AGFG1: variants seen among roughly 807,000 people sequenced by gnomAD.
The protein encoded by AGFG1 is arf-GAP domain and FG repeat-containing protein 1.
AGFG1 carries 10 observed loss-of-function variants against 60.6 expected under a neutral mutation model. The observed-to-expected ratio is 0.16, with a 90% CI of 0.10 to 0.28. The LOEUF is 0.28. Among genes scored for constraint, AGFG1 ranks in the 10% least tolerant of loss-of-function variants. The pLI, the probability that AGFG1 is intolerant of heterozygous loss-of-function variation, is 1.00. For missense variants in AGFG1, 537 were observed against 676.5 expected, an observed-to-expected ratio of 0.79 and a Z score of 2.29; for synonymous variants, 247 against 242.9, an observed-to-expected ratio of 1.02 and a Z score of -0.16.
At position 227,533,738 on chromosome 2, in the gene AGFG1, A is replaced by G. The variant is rs201506988; in HGVS notation, c.1004A>G (p.Asn335Ser). The G allele has an allele frequency of 5.8e-5, 93 of 1,613,626 alleles. No individual in the cohort carries two copies. The highest frequency in any genetic ancestry group is 3.8e-4 in the East Asian group (17 of 44,850). Residue 335 changes from asparagine to serine, a missense_variant, in exon 7 of 13, where the codon AAT (asparagine) becomes AGT (serine). Transcript: ENST00000310078. Reference protein sequence around the residue: ...DKYAALANLDNIFSAGQGGDQ... With the variant: ...DKYAALANLDSIFSAGQGGDQ... ...TATGCAGCACTTGCTAATTTAGACA[A>G]TATCTTCAGTGCCGGGCAAGGTATC...
intron 1 of AGFG1, among the ~76,000 whole-genome samples, chr2:227,472,877 C>T: frequency 6.6e-6 from 1 of 150,544 alleles, no homozygotes; most frequent in East Asian, 2.0e-4. Context: ...AGGGAGGGGG[C>T]GACCGGGGCG....
At chr2:227,532,831 A>G (rs1462150650) in intron 6 of AGFG1, among the ~76,000 whole-genome samples, 1 of 152,154 alleles carries the variant, frequency 6.6e-6, no homozygotes, top group Non-Finnish European at 1.5e-5. Flanking sequence ...TCTATAATAG[A>G]GAACAGATTT....
chr2:227,534,776 C>A, intron 7 of AGFG1, 69 bp from the exon 8 acceptor site: 1 of 1,539,450 alleles, frequency 6.5e-7, no homozygotes, highest in South Asian at 1.2e-5. Context: ...TGTTTCATGG[C>A]AAATGTGGTT....
chr2:227,557,474 A>C lies in AGFG1; in HGVS notation c.*2979A>C, dbSNP rs957483598. ...TGGCTGCTGGTTTACCACTGTACCA[A>C]CATCTCTGGAGCATTTTAGTTTCAG... On this transcript the variant is annotated 3_prime_UTR_variant, in exon 13 of 13. Transcript: ENST00000310078. The C allele has an allele frequency of 5.9e-5, 9 of 152,148 alleles. No homozygotes were observed. Among genetic ancestry groups the C allele is most frequent in the Admixed American group, 3.3e-4 (5 of 15,266 alleles). 9.4% of individuals were successfully genotyped at this position (152,148 alleles called of 1,614,324 possible). A position where few individuals can be genotyped will look rare whatever the true frequency, so the allele number is the denominator to read the frequency against.
In AGFG1 at chr2:227,505,708, T is replaced by C. The variant is rs56202275; in HGVS notation, c.261+14068T>C. Among the ~76,000 whole-genome samples, 862 of 152,196 alleles carry C rather than the reference T, an allele frequency of 5.7e-3. 9 individuals carry two copies. The highest frequency in any genetic ancestry group is 0.019 in the African/African-American group (807 of 41,544). On this transcript the variant is annotated intron_variant, in intron 2 of 12. Transcript: ENST00000310078. ...TATTTATTGCAAGGATGTTTTCTTATATGATATGGTCTTTTTATTTTGTTT... is the reference window on the plus strand; with the variant it reads ...TATTTATTGCAAGGATGTTTTCTTACATGATATGGTCTTTTTATTTTGTTT...
chr2:227,505,328 TTGA>T (rs1691279212), intron 2 of AGFG1, among the ~76,000 whole-genome samples: 1 of 152,344 alleles, frequency 6.6e-6, no homozygotes, highest in African/African-American at 2.4e-5. Flanking sequence ...CTACTTGTGG[TTGA>T]TGATGATCTT....
At chr2:227,473,758 A>C (rs914655279) in intron 1 of AGFG1, among the ~76,000 whole-genome samples, 1 of 152,256 alleles carries the variant, frequency 6.6e-6, no homozygotes, top group African/African-American at 2.4e-5. Flanking sequence ...TTGATTTCTT[A>C]AAACTTAGAA....
chr2:227,509,451 C>T (rs1013358277), intron 2 of AGFG1, among the ~76,000 whole-genome samples: 1 of 152,040 alleles, frequency 6.6e-6, no homozygotes, highest in Admixed American at 6.5e-5. Context: ...ATTAAGATTA[C>T]TGACTAATCT....
chr2:227,544,146 CTTTTTTTTTTTTTTTT>C (rs71039605), intron 10 of AGFG1, among the ~76,000 whole-genome samples: 2 of 75,756 alleles, frequency 2.6e-5, no homozygotes, highest in Non-Finnish European at 4.6e-5. Flanking sequence ...CATTCTGTGT[CTTTTTTTTTTTTTTTT>C]TTTTTTTTTT....
At chr2:227,483,032 G>T (rs905373543) in intron 1 of AGFG1, among the ~76,000 whole-genome samples, 5 of 149,330 alleles carry the variant, frequency 3.3e-5, no homozygotes, top group Non-Finnish European at 7.4e-5. Flanking sequence ...TGTATTTGAG[G>T]ATCTGGAATG....
Position 227,545,391 on chromosome 2 carries a change from C to A in AGFG1, c.1379-6568C>A, listed in dbSNP as rs568273610. Among the ~76,000 whole-genome samples, 40 of 152,316 alleles carry A rather than the reference C, an allele frequency of 2.6e-4. 1 individual carries two copies. The Middle Eastern group carries it at 0.014, about 52-fold the overall frequency. ...TTCTTCAAGGTTTTTAGCTTCCTTG[C>A]GATAGGTTTGAACATCCTCCTTTAG... On this transcript the variant is annotated intron_variant, in intron 10 of 12. Coordinates refer to ENST00000310078, the MANE Select transcript of AGFG1 (RefSeq NM_004504.5).
chr2:227,499,549 A>T (rs1691085681), intron 2 of AGFG1, among the ~76,000 whole-genome samples: 2 of 152,118 alleles, frequency 1.3e-5, no homozygotes, highest in African/African-American at 4.8e-5. Context: ...CCAAGGCACA[A>T]GAATCACTTG....
intron 1 of AGFG1, among the ~76,000 whole-genome samples, chr2:227,475,228 C>T (rs551314698): frequency 6.6e-6 from 1 of 152,306 alleles, no homozygotes; most frequent in East Asian, 1.9e-4. Context: ...AGATTTTCCT[C>T]ATTCGAGCAT....
intron 1 of AGFG1, among the ~76,000 whole-genome samples, chr2:227,485,814 C>T (rs572559170): frequency 6.6e-6 from 1 of 152,064 alleles, no homozygotes; most frequent in South Asian, 2.1e-4. Context: ...CTCATTTTTA[C>T]TCCATCTTTC....
chr2:227,529,673 C>A (rs1324482103), intron 5 of AGFG1, among the ~76,000 whole-genome samples: 1 of 152,038 alleles, frequency 6.6e-6, no homozygotes, highest in Non-Finnish European at 1.5e-5. Context: ...TGATGATAAA[C>A]ATCATATCCC....
At chr2:227,486,725 A>AACT (rs1335362050) in intron 1 of AGFG1, among the ~76,000 whole-genome samples, 6 of 152,256 alleles carry the variant, frequency 3.9e-5, no homozygotes, top group Admixed American at 6.5e-5. Flanking sequence ...ATATCTTAGT[A>AACT]GAGAGCCAAA....
chr2:227,524,946 G>T (rs961223235), intron 5 of AGFG1, 31 bp downstream of exon 5: 1 of 1,611,310 alleles, frequency 6.2e-7, no homozygotes, highest in Non-Finnish European at 8.5e-7. Context: ...GCTTTTGCTG[G>T]GGATGCATAT....
chr2:227,496,384 G>A (rs1361653485), intron 2 of AGFG1, among the ~76,000 whole-genome samples: 1 of 151,048 alleles, frequency 6.6e-6, no homozygotes, highest in African/African-American at 2.4e-5. Flanking sequence ...GGAGCTTGCA[G>A]TGAGCCGAGA....
chr2:227,501,083 C>T (rs566119174), intron 2 of AGFG1, among the ~76,000 whole-genome samples: 18 of 151,762 alleles, frequency 1.2e-4, no homozygotes, highest in Admixed American at 5.9e-4. Context: ...CGTGAGCCAC[C>T]GTGCCCAGCC....
Sources: allele counts gnomAD v4.1 joint callset (sites outside exome capture counted in the v4.1 genomes callset), GRCh38; gene constraint gnomAD v4.1.1; transcripts MANE v1.5; gene names NCBI Gene and HGNC (gene_info 2026-07-23, HGNC 2026-07-21).